The following ZNF362 variants were observed in gnomAD, a reference collection of about 807,000 sequenced individuals.
ZNF362 encodes zinc finger protein 362, also known as rotund homolog.
Under a neutral mutation model 42.9 loss-of-function variants are expected in ZNF362, and 11 were observed. The observed-to-expected ratio is 0.26, with a 90% CI of 0.16 to 0.42. The LOEUF (loss-of-function observed/expected upper bound fraction) is 0.42, where lower values mean the gene tolerates loss of function less well. ZNF362 is among the 20% of genes least tolerant of loss of function. The pLI, the probability that ZNF362 is intolerant of heterozygous loss-of-function variation, is 1.00. For missense variants in ZNF362, 362 were observed against 576.2 expected (o/e 0.63, Z 3.81); for synonymous variants, 255 against 257.3 (o/e 0.99, Z 0.09).
At chr1:33,151,468 TAGGGCTAAC>T in the ZNF362 span, among the ~76,000 whole-genome samples, 29 of 152,114 alleles carry the variant, frequency 1.9e-4, no homozygotes, top group African/African-American at 6.3e-4. Context: ...TCCCCGAGGC[TAGGGCTAAC>T]AGGAGTAACA....
At chr1:33,198,094 A>G in the ZNF362 span, among the ~76,000 whole-genome samples, 1 of 152,222 alleles carries the variant, frequency 6.6e-6, no homozygotes, top group Non-Finnish European at 1.5e-5. Context: ...AAAGCTAAAG[A>G]ATATTTATAG....
In ZNF362 at chr1:33,276,702, G is replaced by A. The variant is rs1046372722; in HGVS notation, c.349+108G>A. 9.6e-6 allele frequency: 12 copies of A among 1,243,998 alleles called. No individual in the cohort carries two copies. In the East Asian group the frequency reaches 1.8e-4, roughly 19 times the overall value. 77.1% of individuals were successfully genotyped at this position (1,243,998 alleles called of 1,614,324 possible). On this transcript the variant is annotated intron_variant, in intron 4 of 8. Transcript: ENST00000539719. ...GGACCCGGCTAGGTAAGAGCAGGGC[G>A]GGCAGGGCCTAGGGGTAGGGCATAA...
At chr1:33,238,326 CATAAAATAAA>C in the ZNF362 span, among the ~76,000 whole-genome samples, 148 of 85,158 alleles carry the variant, frequency 1.7e-3, no homozygotes, top group African/African-American at 5.9e-3. Flanking sequence ...CTCAAAATAA[CATAAAATAAA>C]ATAAAATAAA....
the ZNF362 span, among the ~76,000 whole-genome samples, chr1:33,131,621 GAAATA>G: frequency 1.3e-5 from 2 of 151,792 alleles, no homozygotes; most frequent in East Asian, 1.9e-4. Context: ...ATGTTTAAAA[GAAATA>G]AAATAAATAA....
chr1:33,189,658 T>C, the ZNF362 span, among the ~76,000 whole-genome samples: 32 of 12,958 alleles, frequency 2.5e-3, 2 homozygotes, highest in South Asian at 0.012. Flanking sequence ...TATATATATA[T>C]ATATATATAT....
the ZNF362 span, among the ~76,000 whole-genome samples, chr1:33,245,649 G>A: frequency 1.3e-5 from 2 of 152,164 alleles, no homozygotes; most frequent in Admixed American, 6.5e-5. Context: ...TATAAGAGAT[G>A]GAAGGAAGCC....
In ZNF362 at chr1:33,280,425, G is replaced by C; in HGVS notation, c.651G>C (p.Ser217=). The C allele has an allele frequency of 4.4e-6, 7 of 1,608,308 alleles. No individual in the cohort carries two copies. Among genetic ancestry groups the C allele is most frequent in the Non-Finnish European group, 5.9e-6 (7 of 1,177,064 alleles). The part of the protein sequence containing the change: ...VLVVPYPILA[S]GETAKEGKTY... ...TAGTCCCCTATCCCATCCTGGCCTC[G>C]GGCGAGACTGCCAAGGAGGGCAAGA... The change falls in exon 5 of 9, where the codon TCG becomes TCC. Residue 217 remains serine (S), a synonymous_variant. Coordinates refer to ENST00000539719, the MANE Select transcript of ZNF362 (RefSeq NM_152493.3). This position sits in a 1 kb window ranked among gnomAD's most constrained non-coding sequence, Gnocchi z 5.6.
chr1:33,140,782 G>A, the ZNF362 span, among the ~76,000 whole-genome samples: 1 of 152,176 alleles, frequency 6.6e-6, no homozygotes, highest in Non-Finnish European at 1.5e-5. This position sits in a 1 kb window ranked among gnomAD's most constrained non-coding sequence, Gnocchi z 4.0. Flanking sequence ...TGCCCTGGAG[G>A]TCCAGGCCAG....
chr1:33,289,887 A>G (rs1381874731), intron 6 of ZNF362, among the ~76,000 whole-genome samples: 1 of 152,150 alleles, frequency 6.6e-6, no homozygotes, highest in Non-Finnish European at 1.5e-5. Context: ...GGTGGGCCGC[A>G]GGGAGCCTGA....
At chr1:33,246,683 C>T in the ZNF362 span, among the ~76,000 whole-genome samples, 1 of 152,238 alleles carries the variant, frequency 6.6e-6, no homozygotes, top group African/African-American at 2.4e-5. Context: ...CAGCAACTTT[C>T]CCTTCAGTGT....
chr1:33,250,890 A>AAGAAGAAGAAGG, the ZNF362 span, among the ~76,000 whole-genome samples: 1 of 150,954 alleles, frequency 6.6e-6, no homozygotes, highest in African/African-American at 2.4e-5. Flanking sequence ...GAAGAAGAAG[A>AAGAAGAAGAAGG]AGAAGGAGAA....
chr1:33,218,053 A>T, the ZNF362 span, among the ~76,000 whole-genome samples: 1 of 152,230 alleles, frequency 6.6e-6, no homozygotes, highest in African/African-American at 2.4e-5. Flanking sequence ...TCTATAGTCC[A>T]TAGATGGACC....
At chr1:33,130,692 G>A in the ZNF362 span, among the ~76,000 whole-genome samples, 5 of 152,192 alleles carry the variant, frequency 3.3e-5, no homozygotes, top group African/African-American at 4.8e-5. Flanking sequence ...AGTAATATTC[G>A]TGGTTTTAAG....
chr1:33,185,480 C>T, the ZNF362 span, among the ~76,000 whole-genome samples: 1 of 152,178 alleles, frequency 6.6e-6, no homozygotes, highest in African/African-American at 2.4e-5. Context: ...CCTTGGCCTC[C>T]CAGAGTGCTG....
chr1:33,228,086 C>G, the ZNF362 span, among the ~76,000 whole-genome samples: 1 of 152,124 alleles, frequency 6.6e-6, no homozygotes, highest in Non-Finnish European at 1.5e-5. Flanking sequence ...GCCCAGCCCT[C>G]TCTTCTGAGC....
the ZNF362 span, among the ~76,000 whole-genome samples, chr1:33,212,576 C>T: frequency 2.0e-5 from 3 of 152,016 alleles, no homozygotes; most frequent in Non-Finnish European, 2.9e-5. Context: ...CTGGTGAGGC[C>T]TCAGGAAACT....
At chr1:33,159,649 G>T in the ZNF362 span, 5 of 1,580,988 alleles carry the variant, frequency 3.2e-6, no homozygotes, top group Non-Finnish European at 3.4e-6. The surrounding 1 kb of genome is among the most constrained non-coding windows in gnomAD (Gnocchi z 4.2). Flanking sequence ...TCGAGGAGGG[G>T]ATGGTCAGCC....
At chr1:33,297,597 C>T (rs1357054176) in intron 8 of ZNF362, among the ~76,000 whole-genome samples, 4 of 140,374 alleles carry the variant, frequency 2.8e-5, no homozygotes, top group South Asian at 4.5e-4. Context: ...CTGCAACATC[C>T]GCCTCCCAGG....
At chr1:33,191,789 GCCTGGCCAAAAT>G in the ZNF362 span, among the ~76,000 whole-genome samples, 1 of 152,216 alleles carries the variant, frequency 6.6e-6, no homozygotes, top group Non-Finnish European at 1.5e-5. Context: ...ACAGGCATAA[GCCTGGCCAAAAT>G]CCTGTTTCTT....
Sources: gnomAD v4.1 joint callset for allele counts (sites outside exome capture counted in the v4.1 genomes callset) on GRCh38, gnomAD v4.1.1 for gene constraint, Gnocchi (gnomAD v3.1) non-coding constraint, MANE v1.5 for transcripts, NCBI Gene and HGNC (gene_info 2026-07-23, HGNC 2026-07-21) for gene names.